The following DAB1 variants were observed in gnomAD, a reference collection of about 807,000 sequenced individuals.
The protein encoded by DAB1 is DAB adaptor protein 1, also known as disabled homolog 1.
Under a neutral mutation model 64.6 loss-of-function variants are expected in DAB1, and 15 were observed. That is an observed-to-expected ratio of 0.23 (90% CI 0.16 to 0.36). DAB1 has a LOEUF of 0.36. DAB1 is among the 10% of genes least tolerant of loss of function. The pLI, the probability that DAB1 is intolerant of heterozygous loss-of-function variation, is 1.00. For missense variants in DAB1, 596 were observed against 706.7 expected (o/e 0.84, Z 1.78); for synonymous variants, 235 against 251.9 (o/e 0.93, Z 0.64).
chr1:57,844,080 A>G (rs1653171122), intron 1 of DAB1, among the ~76,000 whole-genome samples: 1 of 152,214 alleles, frequency 6.6e-6, no homozygotes. Context: ...TATTCCAGGA[A>G]TGGTCCTGAC....
intron 4 of DAB1, among the ~76,000 whole-genome samples, chr1:58,152,390 A>G (rs920969869): frequency 1.3e-5 from 2 of 152,222 alleles, no homozygotes; most frequent in African/African-American, 4.8e-5. Flanking sequence ...ATCCCAAAAC[A>G]AAGCCATCGG....
chr1:57,167,810 G>A (rs965547807), intron 2 of DAB1, among the ~76,000 whole-genome samples: 9 of 152,210 alleles, frequency 5.9e-5, no homozygotes, highest in Admixed American at 1.3e-4. Flanking sequence ...ATTAGCCACA[G>A]CACTCAGCAT....
intron 9 of DAB1, among the ~76,000 whole-genome samples, chr1:57,053,387 A>G (rs536882014): frequency 7.0e-4 from 107 of 152,052 alleles, no homozygotes; most frequent in African/African-American, 2.3e-3. Flanking sequence ...AGCTAGGACT[A>G]CAGGCATGTA....
At chr1:57,543,038 C>CAAG (rs1465762853) in intron 7 of DAB1, among the ~76,000 whole-genome samples, 5 of 152,094 alleles carry the variant, frequency 3.3e-5, no homozygotes, top group Non-Finnish European at 4.4e-5. Flanking sequence ...GGAGGCATAT[C>CAAG]CTTTAGCCTG....
intron 9 of DAB1, among the ~76,000 whole-genome samples, chr1:57,029,687 C>A (rs1291343562): frequency 6.6e-6 from 1 of 152,196 alleles, no homozygotes; most frequent in African/African-American, 2.4e-5. Flanking sequence ...CAAACAAGAT[C>A]ATTTTGGAGC....
intron 5 of DAB1, among the ~76,000 whole-genome samples, chr1:58,011,417 CT>C (rs1223430162): frequency 6.6e-6 from 1 of 152,128 alleles, no homozygotes; most frequent in Non-Finnish European, 1.5e-5. Context: ...TTAAGTCAGT[CT>C]TTGAGGTAGC....
chr1:57,184,842 A>C (rs981915248), intron 2 of DAB1, among the ~76,000 whole-genome samples: 8 of 152,176 alleles, frequency 5.3e-5, no homozygotes, highest in Non-Finnish European at 7.3e-5. Context: ...TGCCTAGTCA[A>C]GGATGGCTTC....
At chr1:58,074,971 C>A (rs1349354324) in intron 5 of DAB1, among the ~76,000 whole-genome samples, 1 of 152,128 alleles carries the variant, frequency 6.6e-6, no homozygotes, top group Non-Finnish European at 1.5e-5. Flanking sequence ...TATGGACAAA[C>A]AAAGTTTCCA....
At chr1:57,052,596 G>T (rs1024389171) in intron 9 of DAB1, among the ~76,000 whole-genome samples, 1 of 152,174 alleles carries the variant, frequency 6.6e-6, no homozygotes, top group Non-Finnish European at 1.5e-5. Context: ...GTTATTAACG[G>T]TGAAGACAGG....
chr1:58,016,597 C>A (rs1646743175), intron 5 of DAB1, among the ~76,000 whole-genome samples: 1 of 152,046 alleles, frequency 6.6e-6, no homozygotes. Flanking sequence ...CTAGGTCTGC[C>A]CCTCCCCTTG....
In DAB1 at chr1:58,223,208, C is replaced by T. The variant is rs1219077462; in HGVS notation, n.310-72620G>A. Among the ~76,000 whole-genome samples, 7 of 152,178 alleles carry T rather than the reference C, an allele frequency of 4.6e-5. No individual in the cohort carries two copies. The East Asian group carries it at 1.3e-3, about 29-fold the overall frequency. ...ATAAGTATAGAACTCAGATTTTGAA[C>T]ACAAATCTCTTTGAACCCCGAATAT... On this transcript the variant is annotated intron_variant and non_coding_transcript_variant, in intron 4 of 20. Transcript: ENST00000485760.
At chr1:58,287,993 G>C (rs1661726628) in intron 4 of DAB1, among the ~76,000 whole-genome samples, 1 of 126,194 alleles carries the variant, frequency 7.9e-6, no homozygotes, top group Non-Finnish European at 1.5e-5. Context: ...CTGCACTCCA[G>C]CCTGGGTGAC....
chr1:57,269,892 T>C (rs1055691382), intron 2 of DAB1, among the ~76,000 whole-genome samples: 1 of 152,068 alleles, frequency 6.6e-6, no homozygotes, highest in African/African-American at 2.4e-5. Flanking sequence ...TGAGACAAGA[T>C]CAAAGGATTA....
At chr1:57,504,493 T>G (rs1214284998) in intron 7 of DAB1, among the ~76,000 whole-genome samples, 1 of 152,144 alleles carries the variant, frequency 6.6e-6, no homozygotes, top group Non-Finnish European at 1.5e-5. Flanking sequence ...AGTATTAGAT[T>G]ATAACACAAA....
intron 1 of DAB1, among the ~76,000 whole-genome samples, chr1:57,368,271 G>A (rs115308749): frequency 0.084 from 12,758 of 152,286 alleles, 597 homozygotes; most frequent in Middle Eastern, 0.12. Flanking sequence ...TGCCATGAAC[G>A]GCAGCAGGAG....
At chr1:57,282,532 G>A (rs1269168508) in intron 2 of DAB1, among the ~76,000 whole-genome samples, 1 of 152,162 alleles carries the variant, frequency 6.6e-6, no homozygotes, top group African/African-American at 2.4e-5. Flanking sequence ...ACAAGGTGCT[G>A]AACTAAGTCA....
rs529738844 is a variant in DAB1 at position 57,900,655 on chromosome 1, A to G, written n.388-16493T>C. Reference sequence around the variant, plus strand: ...TAGACCTTTGTCCATGTGGCCAACCAGGGTCAGCATTTATGTCTTTGACCC... The same window carrying G: ...TAGACCTTTGTCCATGTGGCCAACCGGGGTCAGCATTTATGTCTTTGACCC... On this transcript the variant is annotated intron_variant and non_coding_transcript_variant, in intron 5 of 20. Coordinates refer to the DAB1 transcript ENST00000485760. Among the ~76,000 whole-genome samples, 28 of 152,314 alleles carry G rather than the reference A, an allele frequency of 1.8e-4. No homozygotes were observed. In the South Asian group the frequency reaches 3.9e-3, roughly 21 times the overall value.
intron 7 of DAB1, among the ~76,000 whole-genome samples, chr1:57,633,348 G>C (rs766963758): frequency 6.0e-4 from 91 of 152,228 alleles, no homozygotes; most frequent in Non-Finnish European, 9.4e-4. Flanking sequence ...TGATTAAGTG[G>C]CTTCGGGATG....
At chr1:57,451,809 G>A (rs866067362) in intron 7 of DAB1, among the ~76,000 whole-genome samples, 11 of 152,050 alleles carry the variant, frequency 7.2e-5, no homozygotes, top group Admixed American at 5.9e-4. Flanking sequence ...CTTGTAGGGG[G>A]AGTGGAATTA....
Sources: allele counts gnomAD v4.1 joint callset (sites outside exome capture counted in the v4.1 genomes callset), GRCh38; gene constraint gnomAD v4.1.1; transcripts MANE v1.5; gene names NCBI Gene and HGNC (gene_info 2026-07-23, HGNC 2026-07-21).